CHRNA7: variants seen among roughly 807,000 people sequenced by gnomAD.
CHRNA7 encodes the protein cholinergic receptor nicotinic alpha 7 subunit, also known as neuronal acetylcholine receptor subunit alpha-7.
Under a neutral mutation model 48.0 loss-of-function variants are expected in CHRNA7, and 17 were observed. The ratio of observed to expected loss-of-function variants is 0.35; its 90% confidence interval spans 0.24 to 0.53. The LOEUF is 0.53. Among genes scored for constraint, CHRNA7 ranks in the 20% least tolerant of loss-of-function variants. The pLI is 0.92. For missense variants in CHRNA7, 155 were observed against 577.7 expected, an observed-to-expected ratio of 0.27 and a Z score of 7.50; for synonymous variants, 75 against 242.3, an observed-to-expected ratio of 0.31 and a Z score of 6.41.
intron 4 of CHRNA7, among the ~76,000 whole-genome samples, chr15:32,117,592 G>C (rs1006177953): frequency 6.6e-5 from 10 of 152,152 alleles, no homozygotes; most frequent in Non-Finnish European, 1.3e-4. Flanking sequence ...GGGTCCTAGG[G>C]GTGAGGGTGT....
chr15:32,098,283 A>G (rs1194739744), intron 2 of CHRNA7, among the ~76,000 whole-genome samples: 1 of 152,148 alleles, frequency 6.6e-6, no homozygotes, highest in Non-Finnish European at 1.5e-5. Context: ...CCAAGGATCG[A>G]GGAAGGAAAA....
chr15:32,081,667 A>T (rs1008282386), intron 2 of CHRNA7, among the ~76,000 whole-genome samples: 6 of 152,142 alleles, frequency 3.9e-5, no homozygotes, highest in African/African-American at 1.4e-4. Flanking sequence ...CCTCTCCTGT[A>T]GTTACCTTTA....
chr15:32,051,193 C>G (rs1392262758), intron 2 of CHRNA7, among the ~76,000 whole-genome samples: 1 of 151,384 alleles, frequency 6.6e-6, no homozygotes, highest in Non-Finnish European at 1.5e-5. Flanking sequence ...CAGACAGGGA[C>G]ATTTAAGTCT....
At chr15:32,101,397 C>T (rs751665278) in intron 3 of CHRNA7, 50 bp downstream of exon 3, 4 of 1,539,580 alleles carry the variant, frequency 2.6e-6, no homozygotes, top group South Asian at 2.6e-5. Context: ...GATCTTGCAC[C>T]CAAGATTCTT....
intron 4 of CHRNA7, among the ~76,000 whole-genome samples, chr15:32,120,545 G>A (rs1473128643): frequency 6.6e-6 from 1 of 151,938 alleles, no homozygotes; most frequent in Non-Finnish European, 1.5e-5. Flanking sequence ...AGCCAGTGTG[G>A]GCCACAGGGC....
intron 2 of CHRNA7, among the ~76,000 whole-genome samples, chr15:32,061,311 C>T (rs867192262): frequency 1.3e-5 from 2 of 152,134 alleles, no homozygotes; most frequent in Non-Finnish European, 2.9e-5. Context: ...CATCCAGGCA[C>T]GTTTCCTGCG....
intron 4 of CHRNA7, among the ~76,000 whole-genome samples, chr15:32,114,029 TA>T (rs2050810359): frequency 2.1e-5 from 2 of 93,332 alleles, no homozygotes; most frequent in African/African-American, 8.2e-5. Context: ...AATATATATA[TA>T]TATATATATA....
chr15:32,055,852 G>A (rs910416351), intron 2 of CHRNA7, among the ~76,000 whole-genome samples: 3 of 152,020 alleles, frequency 2.0e-5, no homozygotes, highest in African/African-American at 7.2e-5. Flanking sequence ...GGTAGCAGGC[G>A]CCTGTAGTCC....
In CHRNA7 at chr15:32,030,882, GTCTTC is replaced by G. The variant is rs1901794650; in HGVS notation, c.56-12_56-8del. The G allele has an allele frequency of 6.2e-7, 1 of 1,612,806 alleles. No individual in the cohort carries two copies. The highest frequency in any genetic ancestry group is 1.3e-5 in the African/African-American group (1 of 75,028). ...GGCCTGCCCTGAGCCCCCTGCCCGG[GTCTTC>G]TCTCCTTAAGTGTCCCTGCAAGGCG... On this transcript the variant is annotated splice_polypyrimidine_tract_variant and intron_variant, in intron 1 of 9. Transcript: ENST00000306901.
intron 3 of CHRNA7, among the ~76,000 whole-genome samples, chr15:32,108,863 G>A (rs1166063344): frequency 1.3e-5 from 2 of 152,166 alleles, no homozygotes; most frequent in Non-Finnish European, 2.9e-5. Flanking sequence ...TACATGTAAG[G>A]AAACTGCAGT....
intron 2 of CHRNA7, among the ~76,000 whole-genome samples, chr15:32,075,603 C>T (rs1236498118): frequency 6.6e-6 from 1 of 151,938 alleles, no homozygotes; most frequent in East Asian, 1.9e-4. Flanking sequence ...CTTTATTAGT[C>T]TCGCTAAAGG....
chr15:32,051,721 G>C (rs1168981769), intron 2 of CHRNA7, among the ~76,000 whole-genome samples: 2 of 152,230 alleles, frequency 1.3e-5, no homozygotes, highest in African/African-American at 4.8e-5. Context: ...TAGAAATGCA[G>C]GAATCACCCG....
intron 2 of CHRNA7, among the ~76,000 whole-genome samples, chr15:32,088,976 A>G (rs962375248): frequency 6.6e-6 from 1 of 152,166 alleles, no homozygotes; most frequent in Non-Finnish European, 1.5e-5. Flanking sequence ...TTGCTGTTGT[A>G]TGAAAAACCA....
rs567417075 is a variant in CHRNA7 at position 32,078,254 on chromosome 15, T to C, written c.196-23049T>C. Among the ~76,000 whole-genome samples, 11 of 152,292 alleles carry C rather than the reference T, an allele frequency of 7.2e-5. No homozygotes were observed. The South Asian group carries it at 2.1e-3, about 29-fold the overall frequency. On this transcript the variant is annotated intron_variant, in intron 2 of 9. Coordinates refer to ENST00000306901, the MANE Select transcript of CHRNA7 (RefSeq NM_000746.6). ...AAGTCCAGTCTATCAATTCTTTCTT[T>C]CGTAGATCATCCTTTGGTGTTACTT... is the stretch of plus-strand genomic sequence containing the variant.
intron 4 of CHRNA7, among the ~76,000 whole-genome samples, chr15:32,145,827 A>G (rs775423435): frequency 1.3e-5 from 2 of 152,210 alleles, no homozygotes; most frequent in Non-Finnish European, 2.9e-5. Flanking sequence ...ACAGTCTGTC[A>G]CAGCTTCCCT....
At chr15:32,054,667 C>T (rs956800463) in intron 2 of CHRNA7, among the ~76,000 whole-genome samples, 7 of 152,232 alleles carry the variant, frequency 4.6e-5, no homozygotes, top group African/African-American at 1.7e-4. Flanking sequence ...CCCAAGCACA[C>T]AGCATGCGTT....
intron 4 of CHRNA7, among the ~76,000 whole-genome samples, chr15:32,137,499 A>G (rs2051293163): frequency 6.6e-6 from 1 of 152,238 alleles, no homozygotes; most frequent in Admixed American, 6.5e-5. Context: ...AGTTTACTGG[A>G]TAAGTCCACA....
chr15:32,055,499 AG>A (rs2141195954), intron 2 of CHRNA7, among the ~76,000 whole-genome samples: 1 of 152,072 alleles, frequency 6.6e-6, no homozygotes, highest in East Asian at 1.9e-4. Context: ...AGTGGGTGTG[AG>A]AGAGAGAGAG....
At chr15:32,035,950 A>T (rs1050992251) in intron 2 of CHRNA7, among the ~76,000 whole-genome samples, 4 of 152,210 alleles carry the variant, frequency 2.6e-5, no homozygotes, top group Non-Finnish European at 5.9e-5. Flanking sequence ...TGCATAGTTT[A>T]TAAGAAGGTT....
Sources: allele counts gnomAD v4.1 joint callset (sites outside exome capture counted in the v4.1 genomes callset), GRCh38; gene constraint gnomAD v4.1.1; transcripts MANE v1.5; gene names NCBI Gene and HGNC (gene_info 2026-07-23, HGNC 2026-07-21).